Variants in C12orf42 observed in about 807,000 individuals in gnomAD.
C12orf42 encodes chromosome 12 open reading frame 42.
A neutral mutation model predicts 21.6 loss-of-function variants in C12orf42; 25 were observed. The observed-to-expected ratio is 1.16, with a 90% CI of 0.84 to 1.62. C12orf42 has a LOEUF of 1.62. C12orf42 is among the 40% of genes most tolerant of loss of function. The pLI is 0.00. For missense variants in C12orf42, 483 were observed against 459.3 expected (o/e 1.05, Z -0.47); for synonymous variants, 174 against 175.0 (o/e 0.99, Z 0.05).
intron 4 of C12orf42, among the ~76,000 whole-genome samples, chr12:103,307,760 G>A (rs2038519907): frequency 6.6e-6 from 1 of 152,052 alleles, no homozygotes; most frequent in African/African-American, 2.4e-5. Flanking sequence ...GCACATGTGT[G>A]CACATGTGTG....
chr12:103,517,068 T>C, the C12orf42 span, among the ~76,000 whole-genome samples: 2 of 152,160 alleles, frequency 1.3e-5, no homozygotes, highest in Non-Finnish European at 2.9e-5. Flanking sequence ...TGTGGTAACA[T>C]GTCAACATAA....
chr12:103,442,816 TAA>T (rs1398538172), intron 2 of C12orf42, among the ~76,000 whole-genome samples: 3 of 152,190 alleles, frequency 2.0e-5, no homozygotes, highest in Non-Finnish European at 4.4e-5. Context: ...ATATATGTAT[TAA>T]AGAGTAAAAA....
downstream of C12orf42, chr12:103,268,366 T>C (rs969568575): frequency 6.6e-6 from 1 of 152,130 alleles, no homozygotes; most frequent in Non-Finnish European, 1.5e-5. Context: ...TTTGTGTTTG[T>C]TGCAAAACAC....
intron 4 of C12orf42, among the ~76,000 whole-genome samples, chr12:103,330,110 C>T (rs185694263): frequency 4.3e-4 from 66 of 152,102 alleles, no homozygotes; most frequent in Non-Finnish European, 7.2e-4. Context: ...TAGCAAATAA[C>T]CCTCACATAA....
chr12:103,087,439 G>C, the C12orf42 span, among the ~76,000 whole-genome samples: 1 of 152,146 alleles, frequency 6.6e-6, no homozygotes, highest in Admixed American at 6.5e-5. Flanking sequence ...AGCAGAGCCC[G>C]TTAAACCTGG....
chr12:103,284,871 T>C (rs1218788755), intron 4 of C12orf42, among the ~76,000 whole-genome samples: 1 of 152,208 alleles, frequency 6.6e-6, no homozygotes, highest in East Asian at 1.9e-4. Flanking sequence ...CACTCATTTT[T>C]TTTAATTTTA....
At chr12:103,367,814 T>C (rs1009248466) in intron 4 of C12orf42, among the ~76,000 whole-genome samples, 1 of 152,046 alleles carries the variant, frequency 6.6e-6, no homozygotes, top group South Asian at 2.1e-4. Context: ...AATTTGAGTG[T>C]GTACCACAAT....
At chr12:103,259,469 G>C (rs1304646587) in intron 10 of C12orf42, among the ~76,000 whole-genome samples, 1 of 152,144 alleles carries the variant, frequency 6.6e-6, no homozygotes, top group African/African-American at 2.4e-5. Context: ...AGTAGAGACA[G>C]GGTTTCACCA....
intron 4 of C12orf42, among the ~76,000 whole-genome samples, chr12:103,335,569 T>C (rs2137125117): frequency 6.6e-6 from 1 of 152,354 alleles, no homozygotes; most frequent in Middle Eastern, 3.4e-3. Context: ...CCACTTAAGC[T>C]TGAAGCTAAC....
At position 103,480,202 on chromosome 12, in the gene C12orf42, G is replaced by C. The variant is rs1176349304; in HGVS notation, c.-21-1755C>G. On this transcript the variant is annotated intron_variant, in intron 1 of 5. Coordinates refer to ENST00000548883, the MANE Select transcript of C12orf42 (RefSeq NM_198521.5). ...TTCAAATAAATTATTTTATTTCCTA[G>C]ATTTCCAGATTCATTGACTTTAAAA... is the stretch of plus-strand genomic sequence containing the variant. Among the ~76,000 whole-genome samples the C allele has an allele frequency of 2.0e-5, 3 of 151,480 alleles. No homozygotes were observed. The East Asian group carries it at 5.8e-4, about 29-fold the overall frequency.
At chr12:103,131,829 C>T in the C12orf42 span, among the ~76,000 whole-genome samples, 62 of 151,670 alleles carry the variant, frequency 4.1e-4, no homozygotes, top group Non-Finnish European at 6.9e-4. Flanking sequence ...GATGTTAGTG[C>T]GTGGAGTAAT....
chr12:103,560,841 A>G, the C12orf42 span, among the ~76,000 whole-genome samples: 1 of 152,220 alleles, frequency 6.6e-6, no homozygotes, highest in African/African-American at 2.4e-5. Flanking sequence ...TGCAAAGTAC[A>G]CAGTATATGG....
At chr12:103,184,035 A>G in the C12orf42 span, among the ~76,000 whole-genome samples, 1 of 152,200 alleles carries the variant, frequency 6.6e-6, no homozygotes, top group African/African-American at 2.4e-5. Flanking sequence ...AAAGCTGTGT[A>G]TGTTGCCACT....
At chr12:103,226,554 A>G in the C12orf42 span, among the ~76,000 whole-genome samples, 4 of 152,186 alleles carry the variant, frequency 2.6e-5, no homozygotes, top group Non-Finnish European at 4.4e-5. Flanking sequence ...AACCTTGACT[A>G]TGCCGTTAGC....
At chr12:103,352,595 T>C (rs1240291090) in intron 4 of C12orf42, among the ~76,000 whole-genome samples, 2 of 151,984 alleles carry the variant, frequency 1.3e-5, no homozygotes, top group East Asian at 3.9e-4. Flanking sequence ...CTCTTTAAAG[T>C]CCCCGTGCAC....
At chr12:103,276,074 A>G (rs1041738908) in intron 5 of C12orf42, among the ~76,000 whole-genome samples, 1 of 152,208 alleles carries the variant, frequency 6.6e-6, no homozygotes, top group African/African-American at 2.4e-5. Flanking sequence ...TTCTGTCTCT[A>G]GAAAACAAAA....
At chr12:103,158,452 C>T in the C12orf42 span, among the ~76,000 whole-genome samples, 1 of 152,170 alleles carries the variant, frequency 6.6e-6, no homozygotes, top group Non-Finnish European at 1.5e-5. Context: ...AACCCTTAGG[C>T]TGTGGATGTT....
chr12:103,561,650 A>T, the C12orf42 span, among the ~76,000 whole-genome samples: 5 of 152,200 alleles, frequency 3.3e-5, no homozygotes, highest in Non-Finnish European at 7.3e-5. Context: ...AGAAACATTC[A>T]GTCCATTCCA....
At chr12:103,211,407 C>A in the C12orf42 span, among the ~76,000 whole-genome samples, 1 of 152,144 alleles carries the variant, frequency 6.6e-6, no homozygotes, top group Admixed American at 6.5e-5. Context: ...TTAGAGGAAT[C>A]CCATTCAGCA....
Sources: gnomAD v4.1 joint callset for allele counts (sites outside exome capture counted in the v4.1 genomes callset) on GRCh38, gnomAD v4.1.1 for gene constraint, MANE v1.5 for transcripts, NCBI Gene and HGNC (gene_info 2026-07-23, HGNC 2026-07-21) for gene names.